Variants in TBC1D5 observed in about 807,000 individuals in gnomAD.
The protein encoded by TBC1D5 is TBC1 domain family member 5.
In TBC1D5, 75 loss-of-function variants were observed where a neutral mutation model predicts 100.3. The ratio of observed to expected loss-of-function variants is 0.75; its 90% CI spans 0.62 to 0.91. The LOEUF (loss-of-function observed/expected upper bound fraction) is 0.91. Ranked by LOEUF, TBC1D5 falls within the 40% of genes least tolerant of loss-of-function variation. TBC1D5 has a pLI of 0.00. For missense variants in TBC1D5, 910 were observed against 942.4 expected (o/e 0.97, Z 0.45); for synonymous variants, 323 against 325.6 (o/e 0.99, Z 0.09).
intron 2 of TBC1D5, among the ~76,000 whole-genome samples, chr3:17,528,954 C>T (rs2096178728): frequency 6.6e-6 from 1 of 152,162 alleles, no homozygotes; most frequent in African/African-American, 2.4e-5. Flanking sequence ...TCTCTTCTGT[C>T]CTTCTCTGAC....
chr3:17,474,199 T>C (rs544590647), intron 3 of TBC1D5, among the ~76,000 whole-genome samples: 1 of 152,280 alleles, frequency 6.6e-6, no homozygotes, highest in South Asian at 2.1e-4. Flanking sequence ...TTTTATATAA[T>C]TTACAAAATT....
chr3:17,559,386 C>A (rs1037939445), intron 2 of TBC1D5, among the ~76,000 whole-genome samples: 12 of 151,990 alleles, frequency 7.9e-5, no homozygotes, highest in African/African-American at 2.9e-4. Context: ...AGTCATCTGC[C>A]CACCTCGGCC....
chr3:17,374,366 C>G, intron 12 of TBC1D5, 105 bp downstream of exon 12: 1 of 1,054,956 alleles, frequency 9.5e-7, no homozygotes, highest in South Asian at 2.0e-5. Context: ...ATTTTGGTTA[C>G]AGCAATAATA....
chr3:17,346,419 C>G (rs116000197), intron 13 of TBC1D5, among the ~76,000 whole-genome samples: 1 of 152,000 alleles, frequency 6.6e-6, no homozygotes, highest in East Asian at 1.9e-4. Context: ...TCTGTACCAC[C>G]TGCCCATTTT....
exon 1 of TBC1D5, chr3:17,740,623 G>GA (rs1177288476): frequency 6.6e-6 from 1 of 152,084 alleles, no homozygotes; most frequent in Admixed American, 6.6e-5. Flanking sequence ...AATTACATTA[G>GA]AAAAAACCTG....
chr3:17,536,021 T>G (rs929965936), intron 2 of TBC1D5, among the ~76,000 whole-genome samples: 2 of 152,170 alleles, frequency 1.3e-5, no homozygotes, highest in African/African-American at 4.8e-5. Flanking sequence ...ATGTAAAAAT[T>G]ACCTTTTAAT....
intron 2 of TBC1D5, among the ~76,000 whole-genome samples, chr3:17,622,057 AGGGACT>A (rs1480217846): frequency 1.3e-5 from 2 of 152,182 alleles, no homozygotes; most frequent in Non-Finnish European, 2.9e-5. Flanking sequence ...TTTTGGCACC[AGGGACT>A]GGCTTTGTGA....
At chr3:17,376,385 A>G (rs1051876048) in intron 10 of TBC1D5, 140 bp downstream of exon 10, 2 of 689,766 alleles carry the variant, frequency 2.9e-6, no homozygotes, top group Non-Finnish European at 4.7e-6. Context: ...TTAACAATTA[A>G]CCACATGAAA....
intron 19 of TBC1D5, 61 bp downstream of exon 20, chr3:17,185,048 T>C: frequency 6.9e-7 from 1 of 1,459,550 alleles, no homozygotes; most frequent in Non-Finnish European, 9.6e-7. Context: ...GAACAAAGTA[T>C]TGCTAGTGGC....
chr3:17,643,737 T>G (rs562123591), intron 1 of TBC1D5, among the ~76,000 whole-genome samples: 62 of 152,246 alleles, frequency 4.1e-4, no homozygotes, highest in African/African-American at 1.5e-3. Flanking sequence ...TAGCAGTTCC[T>G]TTTGGAAGGA....
At chr3:17,704,267 G>A (rs2073651328) in intron 1 of TBC1D5, among the ~76,000 whole-genome samples, 1 of 144,194 alleles carries the variant, frequency 6.9e-6, no homozygotes, top group East Asian at 2.1e-4. Flanking sequence ...GGATCCCAAG[G>A]CAGAGGAATT....
intron 17 of TBC1D5, among the ~76,000 whole-genome samples, chr3:17,218,859 T>C (rs188244498): frequency 7.2e-5 from 11 of 152,084 alleles, no homozygotes; most frequent in African/African-American, 2.6e-4. Context: ...CTTTTGACAG[T>C]CTGACTATGA....
chr3:17,163,568 A>T (rs886634525), intron 21 of TBC1D5, among the ~76,000 whole-genome samples: 1 of 152,220 alleles, frequency 6.6e-6, no homozygotes, highest in Non-Finnish European at 1.5e-5. Flanking sequence ...GCCTAAAACT[A>T]GCCATGATCA....
At chr3:17,366,478 C>G (rs2092135678) in intron 13 of TBC1D5, among the ~76,000 whole-genome samples, 1 of 151,972 alleles carries the variant, frequency 6.6e-6, no homozygotes, top group Admixed American at 6.6e-5. Context: ...AGGGGAAAAA[C>G]TCCTACTTTC....
intron 1 of TBC1D5, among the ~76,000 whole-genome samples, chr3:17,736,518 C>T (rs1383596644): frequency 2.0e-5 from 3 of 152,130 alleles, no homozygotes; most frequent in East Asian, 1.9e-4. Context: ...AGTAGACAAA[C>T]ATGGAAATAG....
intron 2 of TBC1D5, among the ~76,000 whole-genome samples, chr3:17,529,653 TTA>T (rs762497059): frequency 0.056 from 8,392 of 149,546 alleles, 460 homozygotes; most frequent in African/African-American, 0.15. Flanking sequence ...ATTATTATTT[TTA>T]TTTTTTTTTG....
intron 21 of TBC1D5, among the ~76,000 whole-genome samples, chr3:17,163,089 C>T (rs562505048): frequency 1.3e-5 from 2 of 152,190 alleles, no homozygotes; most frequent in Non-Finnish European, 2.9e-5. Flanking sequence ...CAGTGAGATT[C>T]TGAAGTGGAG....
At chr3:17,423,356 A>G (rs915329774) in intron 4 of TBC1D5, among the ~76,000 whole-genome samples, 3 of 152,138 alleles carry the variant, frequency 2.0e-5, no homozygotes, top group Non-Finnish European at 4.4e-5. Flanking sequence ...TCCAGTCTAT[A>G]AATTTTTTAA....
rs548330029 is a variant in TBC1D5 at position 17,390,531 on chromosome 3, CA to C, written c.510-6517del. ...GATGCAAGTATTCAATAAGATGCCCCAGGGGAAAAAGGAAAGCCCTTGGTGA... is the reference window on the plus strand; with the variant it reads ...GATGCAAGTATTCAATAAGATGCCCCGGGGAAAAAGGAAAGCCCTTGGTGA... On this transcript the variant is annotated intron_variant, in intron 8 of 21. Transcript: ENST00000253692. 4.6e-5 allele frequency among the ~76,000 whole-genome samples: 7 copies of C among 152,080 alleles called. No homozygotes were observed. The South Asian group carries it at 8.3e-4, about 18-fold the overall frequency.
Sources: allele counts gnomAD v4.1 joint callset (sites outside exome capture counted in the v4.1 genomes callset), GRCh38; gene constraint gnomAD v4.1.1; transcripts MANE v1.5; gene names NCBI Gene and HGNC (gene_info 2026-07-23, HGNC 2026-07-21).